Variants in MMGT1 observed in about 807,000 individuals in gnomAD.
The protein encoded by MMGT1 is membrane magnesium transporter 1.
MMGT1 carries 2 observed loss-of-function variants against 11.7 expected under a neutral mutation model. The observed-to-expected ratio is 0.17, with a 90% CI of 0.07 to 0.54. The LOEUF (loss-of-function observed/expected upper bound fraction) is 0.54. MMGT1 is among the 20% of genes least tolerant of loss of function. The probability of loss-of-function intolerance (pLI) is 0.94; values close to 1 mark genes in which losing one functional copy is unlikely to be tolerated. For synonymous variants in MMGT1, 49 were observed against 44.4 expected (o/e 1.10, Z -0.41); for missense variants, 74 against 109.0 (o/e 0.68, Z 1.43).
intron 2 of MMGT1, among the ~76,000 whole-genome samples, chrX:135,968,499 T>TATTTTGTG (rs36089092): frequency 1.2e-5 from 1 of 85,009 alleles, no homozygotes; most frequent in South Asian, 6.5e-4. Context: ...CATTATGTCA[T>TATTTTGTG]TGTGTGTGTG....
At position 135,964,945 on chromosome X, in the gene MMGT1, G is replaced by T; in HGVS notation, c.*79C>A. ...AAGATCAATATAAATACTAATGGGG[G>T]CAGGGAGGAGTGTTTTATACCCCAA... On this transcript the variant is annotated 3_prime_UTR_variant, in exon 4 of 4. Transcript: ENST00000305963. 1.2e-6 allele frequency: 1 copy of T among 867,345 alleles called. No individual in the cohort carries two copies. The highest frequency in any genetic ancestry group is 1.7e-6 in the Non-Finnish European group (1 of 602,759). The allele number at this position is 867,345 out of a possible 1,213,427, so 71.5% of individuals were successfully genotyped here. A position where few individuals can be genotyped will look rare whatever the true frequency, so the allele number is the denominator to read the frequency against.
At position 135,973,919 on chromosome X, in the gene MMGT1, C is replaced by T. The variant is rs1339048420; in HGVS notation, c.-244G>A. The T allele has an allele frequency of 2.6e-5, 29 of 1,133,389 alleles. No homozygotes were observed. Among genetic ancestry groups the T allele is most frequent in the Non-Finnish European group, 3.3e-5 (28 of 857,321 alleles). 93.4% of individuals were successfully genotyped at this position (1,133,389 alleles called of 1,213,427 possible). The stretch of plus-strand genomic sequence containing the variant: ...ACGAACCTGCGCTATGGAGGCCTCT[C>T]TAGGAGGGCCGGAGCCCAACGGAGT... On this transcript the variant is annotated 5_prime_UTR_variant, in exon 1 of 4. Transcript: ENST00000305963.
rs1556612915 is a variant in MMGT1 at position 135,973,820 on chromosome X, G to A, written c.-145C>T. 8.6e-7 allele frequency: 1 copy of A among 1,164,180 alleles called. No homozygotes were observed. Among genetic ancestry groups the A allele is most frequent in the South Asian group, 1.9e-5 (1 of 52,248 alleles). ...GTGTCTCAGTGGTGGAAAAGCCAGA[G>A]GGCTGTGAGAAAACGGAAACAGGAA... is the stretch of plus-strand genomic sequence containing the variant. On this transcript the variant is annotated 5_prime_UTR_variant, in exon 1 of 4. Coordinates refer to ENST00000305963, the MANE Select transcript of MMGT1 (RefSeq NM_173470.3).
chrX:135,966,148 G>A (rs1358900858), intron 3 of MMGT1, among the ~76,000 whole-genome samples: 1 of 111,963 alleles, frequency 8.9e-6, no homozygotes, highest in Non-Finnish European at 1.9e-5. Flanking sequence ...CAAACACCTT[G>A]GTGTGTGGCC....
chrX:135,966,255 G>A lies in MMGT1; in HGVS notation c.237-1072C>T, dbSNP rs1476611866. ...AATCTCAGCCCACCTAAACATCCAA[G>A]CATACTCCCATACAAAAAAGAGGCC... On this transcript the variant is annotated intron_variant, in intron 3 of 3. Coordinates refer to ENST00000305963, the MANE Select transcript of MMGT1 (RefSeq NM_173470.3). Among the ~76,000 whole-genome samples the A allele has an allele frequency of 3.6e-5, 4 of 111,914 alleles. No individual in the cohort carries two copies. In the Admixed American group the frequency reaches 3.8e-4, roughly 11 times the overall value.
intron 2 of MMGT1, among the ~76,000 whole-genome samples, chrX:135,968,499 T>TGTGTGTGTG (rs36089092): frequency 7.1e-5 from 6 of 85,009 alleles, no homozygotes; most frequent in African/African-American, 2.7e-4. Context: ...CATTATGTCA[T>TGTGTGTGTG]TGTGTGTGTG....
chrX:135,969,794 C>T (rs1161819844), intron 2 of MMGT1, among the ~76,000 whole-genome samples: 2 of 111,836 alleles, frequency 1.8e-5, no homozygotes, highest in Admixed American at 1.9e-4. Context: ...AAAAATAATA[C>T]GTGTTTGGAT....
At chrX:135,967,597 G>A (rs2089193391) in intron 2 of MMGT1, 104 bp from the exon 3 acceptor site, 5 of 418,892 alleles carry the variant, frequency 1.2e-5, no homozygotes, top group Non-Finnish European at 1.6e-5. Context: ...AGTCCTCTCA[G>A]GGCCACCATC....
chrX:135,971,167 T>C, intron 1 of MMGT1, 57 bp from the exon 2 acceptor site: 1 of 870,692 alleles, frequency 1.1e-6, no homozygotes, highest in African/African-American at 2.0e-5. Flanking sequence ...TTTCTTAAAA[T>C]GAAGCAAATC....
intron 2 of MMGT1, among the ~76,000 whole-genome samples, chrX:135,967,840 TTTGTTG>T (rs1219447680): frequency 2.7e-5 from 3 of 111,075 alleles, no homozygotes; most frequent in African/African-American, 9.8e-5. Context: ...TTGTTTTTTT[TTTGTTG>T]TTGTTGTTGT....
chrX:135,972,267 T>C (rs1448493977), intron 1 of MMGT1, among the ~76,000 whole-genome samples: 1 of 112,556 alleles, frequency 8.9e-6, no homozygotes, highest in East Asian at 2.8e-4. Context: ...AAATCTTAAT[T>C]CTAGATGAAC....
At chrX:135,968,326 G>T (rs1366929179) in intron 2 of MMGT1, among the ~76,000 whole-genome samples, 1 of 110,837 alleles carries the variant, frequency 9.0e-6, no homozygotes, top group African/African-American at 3.3e-5. Context: ...GTTAACTATG[G>T]TCCTGAATTA....
At position 135,962,750 on chromosome X, in the gene MMGT1, G is replaced by C. The variant is rs2148116274; in HGVS notation, c.*2274C>G. The C allele has an allele frequency of 8.9e-6, 1 of 112,122 alleles. No individual in the cohort carries two copies. Among genetic ancestry groups the C allele is most frequent in the Admixed American group, 9.5e-5 (1 of 10,580 alleles). 9.2% of individuals were successfully genotyped at this position (112,122 alleles called of 1,213,427 possible). A position where few individuals can be genotyped will look rare whatever the true frequency, so the allele number is the denominator to read the frequency against. ...TGATTTTTGGCCTGATTTTTAGCCT[G>C]ATTTTTAGCAGGACTCTTCCCGACT... On this transcript the variant is annotated 3_prime_UTR_variant, in exon 4 of 4. Coordinates refer to ENST00000305963, the MANE Select transcript of MMGT1 (RefSeq NM_173470.3).
rs1449936247 is a variant in MMGT1, at chrX:135,960,755, C to T, written c.*4269G>A. ...TTTCTTAGCTTACAAAAAGCTCATA[C>T]AAATCAATAAAACACATACCACCTA... is the stretch of plus-strand genomic sequence containing the variant. On this transcript the variant is annotated 3_prime_UTR_variant, in exon 4 of 4. Transcript: ENST00000305963. 9.0e-6 allele frequency among the ~76,000 whole-genome samples: 1 copy of T among 111,708 alleles called. No individual in the cohort carries two copies. The highest frequency in any genetic ancestry group is 3.2e-5 in the African/African-American group (1 of 30,799).
chrX:135,966,066 G>C (rs2089183183), intron 3 of MMGT1, among the ~76,000 whole-genome samples: 1 of 112,134 alleles, frequency 8.9e-6, no homozygotes, highest in Admixed American at 9.5e-5. Flanking sequence ...CTCTTTGTAA[G>C]AGCAAGCAGT....
chrX:135,969,865 A>G (rs1556612414), intron 2 of MMGT1, among the ~76,000 whole-genome samples: 3 of 112,050 alleles, frequency 2.7e-5, no homozygotes, highest in African/African-American at 9.7e-5. Context: ...AACTACTGCT[A>G]TACTCCAAAC....
chrX:135,965,229 A>G, intron 3 of MMGT1, 46 bp from the exon 4 acceptor site: 1 of 1,044,757 alleles, frequency 9.6e-7, no homozygotes, highest in Non-Finnish European at 1.3e-6. Flanking sequence ...CCTTTATAAA[A>G]CCCTACTTGA....
At chrX:135,969,730 A>T (rs2089207067) in intron 2 of MMGT1, among the ~76,000 whole-genome samples, 1 of 112,535 alleles carries the variant, frequency 8.9e-6, no homozygotes, top group African/African-American at 3.2e-5. Context: ...GTTAAGTAAT[A>T]AAAAAGTTAA....
intron 2 of MMGT1, among the ~76,000 whole-genome samples, chrX:135,970,559 T>C (rs1556612491): frequency 1.8e-5 from 2 of 111,879 alleles, no homozygotes; most frequent in African/African-American, 6.5e-5. Context: ...CGACTACAGC[T>C]CTAGAAACCA....
Sources: gnomAD v4.1 joint callset for allele counts (sites outside exome capture counted in the v4.1 genomes callset) on GRCh38, gnomAD v4.1.1 for gene constraint, MANE v1.5 for transcripts, NCBI Gene and HGNC (gene_info 2026-07-23, HGNC 2026-07-21) for gene names.